Variants in SLC25A21 observed in about 807,000 individuals in gnomAD.
SLC25A21 encodes solute carrier family 25 member 21.
A neutral mutation model predicts 43.8 loss-of-function variants in SLC25A21; 47 were observed. The ratio of observed to expected loss-of-function variants is 1.07; its 90% CI spans 0.85 to 1.37. The LOEUF (loss-of-function observed/expected upper bound fraction) is 1.37. Among genes scored for constraint, SLC25A21 ranks in the 40% most tolerant of loss-of-function variants. The pLI, the probability that SLC25A21 is intolerant of heterozygous loss-of-function variation, is 0.00. For synonymous variants in SLC25A21, 131 were observed against 121.3 expected (o/e 1.08, Z -0.52); for missense variants, 352 against 350.2 (o/e 1.00, Z -0.04).
intron 1 of SLC25A21, among the ~76,000 whole-genome samples, chr14:37,147,599 G>C (rs1963686957): frequency 6.6e-6 from 1 of 150,768 alleles, no homozygotes. Flanking sequence ...CTAGGGCTTA[G>C]AGCTGCCATT....
At chr14:36,937,080 C>G (rs1892442408) in intron 1 of SLC25A21, among the ~76,000 whole-genome samples, 1 of 152,146 alleles carries the variant, frequency 6.6e-6, no homozygotes, top group African/African-American at 2.4e-5. Flanking sequence ...CATTTCAGGG[C>G]CATGCTAAGT....
Position 37,075,805 on chromosome 14 carries a change from G to C in SLC25A21, c.70+96476C>G, listed in dbSNP as rs140230719. ...TGAATGTAATAACAGACAGATGATGGTTTATGTCGTTGATATGAACTGATT... is the reference window on the plus strand; with the variant it reads ...TGAATGTAATAACAGACAGATGATGCTTTATGTCGTTGATATGAACTGATT... On this transcript the variant is annotated intron_variant, in intron 1 of 9. Transcript: ENST00000331299. Among the ~76,000 whole-genome samples the C allele has an allele frequency of 3.8e-3, 579 of 152,316 alleles. 7 individuals are homozygous for C. Among genetic ancestry groups the C allele is most frequent in the African/African-American group, 0.013 (549 of 41,570 alleles).
intron 1 of SLC25A21, among the ~76,000 whole-genome samples, chr14:37,071,023 C>A (rs1406122848): frequency 6.8e-6 from 1 of 146,146 alleles, no homozygotes; most frequent in Non-Finnish European, 1.5e-5. Context: ...CTTTGCAAGA[C>A]AAACTAAAGT....
intron 1 of SLC25A21, among the ~76,000 whole-genome samples, chr14:37,151,037 C>A (rs1963750715): frequency 6.6e-6 from 1 of 151,912 alleles, no homozygotes. Flanking sequence ...CTCTCTCTCT[C>A]TTTCTCTTCA....
intron 3 of SLC25A21, among the ~76,000 whole-genome samples, chr14:36,784,321 T>G (rs848111): frequency 0.16 from 24,984 of 152,232 alleles, 2,290 homozygotes; most frequent in Middle Eastern, 0.25. Flanking sequence ...AACTTACACA[T>G]TCATGCAGTC....
intron 3 of SLC25A21, among the ~76,000 whole-genome samples, chr14:36,777,489 T>C: frequency 6.6e-6 from 1 of 152,120 alleles, no homozygotes; most frequent in East Asian, 1.9e-4. Context: ...CAAAATGAGA[T>C]CATCCTGGAT....
intron 1 of SLC25A21, among the ~76,000 whole-genome samples, chr14:36,915,531 C>T (rs1248222878): frequency 2.6e-5 from 4 of 152,098 alleles, no homozygotes; most frequent in African/African-American, 9.7e-5. Flanking sequence ...GCACAAACTC[C>T]TCTAAGTAAG....
intron 1 of SLC25A21, among the ~76,000 whole-genome samples, chr14:37,140,967 G>A (rs533640366): frequency 2.0e-4 from 31 of 152,192 alleles, no homozygotes; most frequent in African/African-American, 7.0e-4. Flanking sequence ...GCCACATGGC[G>A]AAATTCCGTC....
chr14:36,780,306 A>G (rs1887006157), intron 3 of SLC25A21, among the ~76,000 whole-genome samples: 1 of 151,568 alleles, frequency 6.6e-6, no homozygotes. Flanking sequence ...GATCTTTTCT[A>G]TTGTTTTTTC....
chr14:37,102,587 C>T (rs529279756), intron 1 of SLC25A21, among the ~76,000 whole-genome samples: 2 of 152,150 alleles, frequency 1.3e-5, no homozygotes, highest in Non-Finnish European at 2.9e-5. Flanking sequence ...AGTTTGTCTA[C>T]CCAAAACATA....
chr14:36,847,478 G>C (rs2138509397), intron 2 of SLC25A21, among the ~76,000 whole-genome samples: 1 of 152,310 alleles, frequency 6.6e-6, no homozygotes, highest in Admixed American at 6.5e-5. Flanking sequence ...CAGTCTAGTA[G>C]GGGAAATAGA....
chr14:37,090,697 C>A (rs1157599175), intron 1 of SLC25A21, among the ~76,000 whole-genome samples: 1 of 152,170 alleles, frequency 6.6e-6, no homozygotes, highest in Non-Finnish European at 1.5e-5. Flanking sequence ...AAACTGAGTT[C>A]TTTCCTTTCA....
intron 2 of SLC25A21, among the ~76,000 whole-genome samples, chr14:36,826,845 G>C (rs747578655): frequency 1.3e-5 from 2 of 152,180 alleles, no homozygotes; most frequent in Non-Finnish European, 2.9e-5. Context: ...GGCCCAGGTG[G>C]TCACTCTCAG....
In SLC25A21 at chr14:36,897,976, G is replaced by A. The variant is rs534038138; in HGVS notation, c.71-22972C>T. Among the ~76,000 whole-genome samples the A allele has an allele frequency of 1.7e-4, 26 of 152,298 alleles. 1 individual carries two copies. The South Asian group carries it at 5.4e-3, about 32-fold the overall frequency. Reference sequence around the variant, plus strand: ...GATGCCTGCCAGTTAGGCTACTTTGGGGTCAGGGACCCACTTGAGGAGGCA... The same window carrying A: ...GATGCCTGCCAGTTAGGCTACTTTGAGGTCAGGGACCCACTTGAGGAGGCA... On this transcript the variant is annotated intron_variant, in intron 1 of 9. Transcript: ENST00000331299.
chr14:36,874,883 C>A, intron 2 of SLC25A21, 73 bp downstream of exon 2: 1 of 1,286,036 alleles, frequency 7.8e-7, no homozygotes, highest in Non-Finnish European at 1.1e-6. Flanking sequence ...CAAGTCCTAG[C>A]ATTTAGTGCT....
chr14:36,752,652 T>C (rs943980388), intron 3 of SLC25A21, among the ~76,000 whole-genome samples: 3 of 152,196 alleles, frequency 2.0e-5, no homozygotes, highest in Non-Finnish European at 4.4e-5. Context: ...TGTATTGACA[T>C]GGTTTGGCTG....
chr14:36,871,605 T>C (rs1354813610), intron 2 of SLC25A21, among the ~76,000 whole-genome samples: 1 of 152,192 alleles, frequency 6.6e-6, no homozygotes, highest in Non-Finnish European at 1.5e-5. Flanking sequence ...ATGTACTATT[T>C]TGATAAATAT....
chr14:36,838,023 G>A (rs1889265879), intron 2 of SLC25A21, among the ~76,000 whole-genome samples: 1 of 152,184 alleles, frequency 6.6e-6, no homozygotes, highest in South Asian at 2.1e-4. Flanking sequence ...CACCTTCCCT[G>A]TGGAAGACTG....
intron 6 of SLC25A21, among the ~76,000 whole-genome samples, chr14:36,721,326 T>C (rs1345326788): frequency 6.6e-6 from 1 of 152,166 alleles, no homozygotes; most frequent in Non-Finnish European, 1.5e-5. Context: ...TATTTTTTCC[T>C]AACAAATGAG....
Sources: gnomAD v4.1 joint callset for allele counts (sites outside exome capture counted in the v4.1 genomes callset) on GRCh38, gnomAD v4.1.1 for gene constraint, MANE v1.5 for transcripts, NCBI Gene and HGNC (gene_info 2026-07-23, HGNC 2026-07-21) for gene names.